The following NSD1 variants were observed in gnomAD, a reference collection of about 807,000 sequenced individuals.
NSD1 encodes the protein histone-lysine N-methyltransferase, H3 lysine-36 specific.
In NSD1, 26 loss-of-function variants were observed where a neutral mutation model predicts 242.7. That is an observed-to-expected ratio of 0.11 (90% CI 0.08 to 0.15). The LOEUF is 0.15. Among genes scored for constraint, NSD1 ranks in the 10% least tolerant of loss-of-function variants. The pLI, the probability that NSD1 is intolerant of heterozygous loss-of-function variation, is 1.00. For synonymous variants in NSD1, 1,106 were observed against 1,178.1 expected, an observed-to-expected ratio of 0.94 and a Z score of 1.25; for missense variants, 2,495 against 3,272.8, an observed-to-expected ratio of 0.76 and a Z score of 5.80.
chr5:177,186,262 G>A (rs1562173089), intron 2 of NSD1, among the ~76,000 whole-genome samples: 1 of 149,238 alleles, frequency 6.7e-6, no homozygotes, highest in Non-Finnish European at 1.5e-5. Context: ...TTGCACTCTA[G>A]CCTGCATTAC....
intron 16 of NSD1, among the ~76,000 whole-genome samples, chr5:177,272,910 G>A (rs1441026580): frequency 6.6e-6 from 1 of 152,076 alleles, no homozygotes; most frequent in Non-Finnish European, 1.5e-5. Flanking sequence ...GTACTTGAGT[G>A]TAGATTAGCT....
intron 2 of NSD1, among the ~76,000 whole-genome samples, chr5:177,148,881 C>T (rs1217168643): frequency 3.3e-5 from 5 of 152,162 alleles, no homozygotes; most frequent in Non-Finnish European, 7.3e-5. Context: ...TGCAGTGGCA[C>T]GATCTCGGCT....
At position 177,300,057 on chromosome 5, in the gene NSD1, G is replaced by GCCCCAC. The variant is rs1354650646; in HGVS notation, c.*4602_*4603insACCCCC. Reference sequence around the variant, plus strand: ...AGGTCCATCATTGCTTTTTTGCCGCGCCCCCCCCCCCCCGCCCCCATAGAT... The same window carrying GCCCCAC: ...AGGTCCATCATTGCTTTTTTGCCGCGCCCCACCCCCCCCCCCCCCGCCCCCATAGAT... On this transcript the variant is annotated 3_prime_UTR_variant, in exon 23 of 23. Coordinates refer to ENST00000439151, the MANE Select transcript of NSD1 (RefSeq NM_022455.5). The GCCCCAC allele has an allele frequency of 2.0e-3, 269 of 134,888 alleles. 3 individuals carry two copies. The highest frequency in any genetic ancestry group is 3.9e-3 in the African/African-American group (96 of 24,318). 8.4% of individuals were successfully genotyped at this position (134,888 alleles called of 1,614,324 possible). A position where few individuals can be genotyped will look rare whatever the true frequency, so the allele number is the denominator to read the frequency against.
At chr5:177,266,096 T>TA (rs1757423070) in intron 14 of NSD1, 2 of 1,129,990 alleles carry the variant, frequency 1.8e-6, no homozygotes, top group African/African-American at 3.0e-5. Flanking sequence ...GGCCGTCACA[T>TA]ACAGTGTGGC....
intron 14 of NSD1, among the ~76,000 whole-genome samples, chr5:177,263,479 A>G (rs1045684349): frequency 6.6e-6 from 1 of 152,244 alleles, no homozygotes; most frequent in Non-Finnish European, 1.5e-5. Flanking sequence ...GTAAGCAGTC[A>G]TCGTGTTCTG....
At chr5:177,262,282 T>C (rs540785257) in intron 14 of NSD1, among the ~76,000 whole-genome samples, 2 of 152,306 alleles carry the variant, frequency 1.3e-5, no homozygotes, top group Non-Finnish European at 2.9e-5. Context: ...AAACAATACC[T>C]TCTTTTTCTT....
chr5:177,166,817 C>A (rs941211967), intron 2 of NSD1, among the ~76,000 whole-genome samples: 1 of 150,790 alleles, frequency 6.6e-6, no homozygotes, highest in Non-Finnish European at 1.5e-5. Context: ...TCTCGGCTCA[C>A]TGACATGGCT....
chr5:177,191,552 CT>C (rs1349825806), intron 2 of NSD1, among the ~76,000 whole-genome samples: 2 of 151,492 alleles, frequency 1.3e-5, no homozygotes, highest in Non-Finnish European at 2.9e-5. Context: ...GATCCAAGGA[CT>C]AGATCAAGGG....
At position 177,246,791 on chromosome 5, in the gene NSD1, T is replaced by C. The variant is rs773741114; in HGVS notation, c.4492T>C (p.Ser1498Pro). The C allele has an allele frequency of 6.2e-7, 1 of 1,606,340 alleles. No homozygotes were observed. The highest frequency in any genetic ancestry group is 8.5e-7 in the Non-Finnish European group (1 of 1,173,000). Reference sequence around the variant, plus strand: ...TGACTCGTCAAAAGAGATTCCAGGCTCAGAGGTATTACTCAGTTCCTGATC... The same window carrying C: ...TGACTCGTCAAAAGAGATTCCAGGCCCAGAGGTATTACTCAGTTCCTGATC... ...NDDSSKEIPG[S>P]EGELMPHRTA... The change falls in exon 10 of 23, where the codon TCA becomes CCA. Residue 1498 changes from serine to proline, a missense_variant. Coordinates refer to ENST00000439151, the MANE Select transcript of NSD1 (RefSeq NM_022455.5).
intron 15 of NSD1, among the ~76,000 whole-genome samples, chr5:177,268,398 A>C (rs898538804): frequency 6.6e-6 from 1 of 151,848 alleles, no homozygotes; most frequent in Non-Finnish European, 1.5e-5. Context: ...TAATGGGTGC[A>C]GCACACCAAC....
At chr5:177,143,255 T>C (rs1242755105) in intron 2 of NSD1, among the ~76,000 whole-genome samples, 2 of 152,194 alleles carry the variant, frequency 1.3e-5, no homozygotes, top group Non-Finnish European at 2.9e-5. Context: ...TTTTTGAATT[T>C]GAGCTTCCTA....
intron 7 of NSD1, among the ~76,000 whole-genome samples, chr5:177,239,537 C>T (rs1765695805): frequency 6.6e-6 from 1 of 152,228 alleles, no homozygotes; most frequent in African/African-American, 2.4e-5. Context: ...TCACCACACA[C>T]ACATCCCTCA....
At chr5:177,163,032 C>A (rs1173236618) in intron 2 of NSD1, among the ~76,000 whole-genome samples, 1 of 151,924 alleles carries the variant, frequency 6.6e-6, no homozygotes. Flanking sequence ...AGGTTGGTCT[C>A]AAGTTCCTGG....
intron 14 of NSD1, chr5:177,266,323 A>C (rs186957272): frequency 1.4e-6 from 1 of 722,188 alleles, no homozygotes; most frequent in East Asian, 2.9e-5. Flanking sequence ...CCGCATAATC[A>C]GAGCTACTGG....
intron 2 of NSD1, among the ~76,000 whole-genome samples, chr5:177,183,062 C>G (rs1194123539): frequency 6.6e-6 from 1 of 152,082 alleles, no homozygotes; most frequent in African/African-American, 2.4e-5. Context: ...CAGGTGTGAA[C>G]CCCCACAACC....
intron 2 of NSD1, among the ~76,000 whole-genome samples, chr5:177,150,486 A>G (rs894353496): frequency 6.7e-6 from 1 of 148,332 alleles, no homozygotes; most frequent in African/African-American, 2.4e-5. Context: ...TAGGAAACCA[A>G]TAAAATCATA....
chr5:177,209,544 A>AAAG, intron 4 of NSD1, 92 bp from the exon 5 acceptor site: 2 of 834,546 alleles, frequency 2.4e-6, no homozygotes. Flanking sequence ...AAAAAAAAAA[A>AAAG]GGAATAAAAA....
chr5:177,247,834 A>G, intron 10 of NSD1: 1 of 785,652 alleles, frequency 1.3e-6, no homozygotes, highest in Non-Finnish European at 1.5e-6. Flanking sequence ...TTTGAATAGA[A>G]TGCCCAAGAG....
At chr5:177,218,724 C>T (rs933219189) in intron 5 of NSD1, among the ~76,000 whole-genome samples, 4 of 151,886 alleles carry the variant, frequency 2.6e-5, no homozygotes, top group South Asian at 2.1e-4. Flanking sequence ...CCCCCCACCA[C>T]GCCCGGCTAA....
Sources: gnomAD v4.1 joint callset for allele counts (sites outside exome capture counted in the v4.1 genomes callset) on GRCh38, gnomAD v4.1.1 for gene constraint, MANE v1.5 for transcripts, NCBI Gene and HGNC (gene_info 2026-07-23, HGNC 2026-07-21) for gene names.